Variants in NCOR1 observed in about 807,000 individuals in gnomAD.
NCOR1 encodes nuclear receptor corepressor 1.
NCOR1 carries 63 observed loss-of-function variants against 288.1 expected under a neutral mutation model. The observed-to-expected ratio is 0.22, with a 90% CI of 0.18 to 0.27. NCOR1 has a LOEUF of 0.27. Among genes scored for constraint, NCOR1 ranks in the 10% least tolerant of loss-of-function variants. The pLI, the probability that NCOR1 is intolerant of heterozygous loss-of-function variation, is 1.00. For synonymous variants in NCOR1, 1,007 were observed against 1,065.9 expected, an observed-to-expected ratio of 0.94 and a Z score of 1.08; for missense variants, 2,397 against 3,019.2, an observed-to-expected ratio of 0.79 and a Z score of 4.83.
At position 16,127,202 on chromosome 17, in the gene NCOR1, T is replaced by TATATATCTGTATGTATATATAC. The variant is rs2074279531; in HGVS notation, c.1510-997_1510-996insGTATATATACATACAGATATAT. On this transcript the variant is annotated intron_variant, in intron 14 of 45. Coordinates refer to ENST00000268712, the MANE Select transcript of NCOR1 (RefSeq NM_006311.4). ...ATATATCTGTATGTATATATACATG[T>TATATATCTGTATGTATATATAC]ATGTATATATCTGTATGTATATATA... Among the ~76,000 whole-genome samples, 6 of 147,348 alleles carry TATATATCTGTATGTATATATAC rather than the reference T, an allele frequency of 4.1e-5. 1 individual carries two copies. In the Admixed American group the frequency reaches 4.2e-4, roughly 10 times the overall value.
intron 21 of NCOR1, among the ~76,000 whole-genome samples, chr17:16,095,281 T>C (rs1375176985): frequency 3.0e-5 from 4 of 132,482 alleles, no homozygotes; most frequent in East Asian, 2.4e-4. Flanking sequence ...GTGAGGAGCG[T>C]CTCTGCCCGG....
intron 11 of NCOR1, among the ~76,000 whole-genome samples, chr17:16,140,424 G>C (rs994574542): frequency 6.6e-6 from 1 of 152,188 alleles, no homozygotes; most frequent in East Asian, 1.9e-4. Flanking sequence ...AGCACTTTTG[G>C]AGGCCAAGGC....
At chr17:16,145,831 G>C (rs543378277) in intron 10 of NCOR1, among the ~76,000 whole-genome samples, 2 of 152,194 alleles carry the variant, frequency 1.3e-5, no homozygotes, top group African/African-American at 4.8e-5. Context: ...CCAGGATGAC[G>C]ATGGCGGTTT....
intron 3 of NCOR1, among the ~76,000 whole-genome samples, chr17:16,180,716 C>G (rs2085223230): frequency 1.3e-5 from 2 of 152,048 alleles, no homozygotes; most frequent in Admixed American, 6.5e-5. Context: ...CCACTGTACT[C>G]CAGCCTGAGT....
intron 21 of NCOR1, among the ~76,000 whole-genome samples, chr17:16,093,036 T>A (rs1410833434): frequency 6.6e-6 from 1 of 152,066 alleles, no homozygotes; most frequent in Non-Finnish European, 1.5e-5. Context: ...TTAAATGTCA[T>A]CCATTTGTTA....
intron 1 of NCOR1, among the ~76,000 whole-genome samples, chr17:16,213,489 C>CAAAAAAA (rs537795184): frequency 0.023 from 1,757 of 77,972 alleles, 110 homozygotes; most frequent in African/African-American, 0.05. Flanking sequence ...AAGACTGTCT[C>CAAAAAAA]AAAAAAAAAA....
chr17:16,077,347 A>G (rs1238136998), intron 26 of NCOR1, among the ~76,000 whole-genome samples: 3 of 150,768 alleles, frequency 2.0e-5, no homozygotes, highest in African/African-American at 7.3e-5. Context: ...CAGTGAGCTG[A>G]GATGGCACCA....
At chr17:16,201,222 C>T (rs146169367) in intron 1 of NCOR1, among the ~76,000 whole-genome samples, 1,655 of 152,236 alleles carry the variant, frequency 0.011, 36 homozygotes, top group African/African-American at 0.037. Context: ...TTAACCTATC[C>T]TACCTCTTAT....
At chr17:16,212,586 G>T (rs1441512461) in intron 1 of NCOR1, among the ~76,000 whole-genome samples, 1 of 152,090 alleles carries the variant, frequency 6.6e-6, no homozygotes, top group Admixed American at 6.6e-5. Flanking sequence ...GCATCAAGAA[G>T]AATTTGAAAT....
chr17:16,111,964 G>A (rs1443446923), intron 18 of NCOR1, among the ~76,000 whole-genome samples: 1 of 152,106 alleles, frequency 6.6e-6, no homozygotes, highest in Non-Finnish European at 1.5e-5. Context: ...CCGGCTCCCG[G>A]GTTCAGGCCA....
chr17:16,121,415 C>A, intron 15 of NCOR1, 146 bp from the exon 16 acceptor site: 2 of 653,920 alleles, frequency 3.1e-6, no homozygotes, highest in Non-Finnish European at 4.8e-6. Flanking sequence ...AACAATTCTG[C>A]CATACCATAG....
At chr17:16,038,742 T>G (rs2151960627) in intron 44 of NCOR1, among the ~76,000 whole-genome samples, 1 of 151,928 alleles carries the variant, frequency 6.6e-6, no homozygotes, top group East Asian at 1.9e-4. Context: ...TTTTTATGGC[T>G]TACGATTATT....
intron 31 of NCOR1, 89 bp downstream of exon 31, chr17:16,070,076 C>T (rs2061568950): frequency 6.8e-7 from 1 of 1,466,374 alleles, no homozygotes; most frequent in Non-Finnish European, 9.1e-7. Context: ...CTAAAGCTGA[C>T]AATTTGATAT....
chr17:16,065,185 A>G (rs1178577779), intron 33 of NCOR1, among the ~76,000 whole-genome samples, 166 bp from the exon 34 acceptor site: 2 of 152,214 alleles, frequency 1.3e-5, no homozygotes, highest in African/African-American at 4.8e-5. Context: ...TTAAAGAAGG[A>G]TATTAAAGAC....
intron 42 of NCOR1, among the ~76,000 whole-genome samples, chr17:16,041,524 C>A (rs943963714): frequency 2.7e-5 from 4 of 149,574 alleles, no homozygotes; most frequent in African/African-American, 9.9e-5. Context: ...AGCAGTTCTC[C>A]TGCCTCAGCC....
chr17:16,175,599 G>A (rs963128645), intron 3 of NCOR1, among the ~76,000 whole-genome samples: 11 of 152,006 alleles, frequency 7.2e-5, no homozygotes, highest in African/African-American at 2.7e-4. Flanking sequence ...TAATTTTCCT[G>A]TGCCCTGGTT....
chr17:16,098,099 G>A (rs1019459795), intron 21 of NCOR1, among the ~76,000 whole-genome samples: 2 of 152,218 alleles, frequency 1.3e-5, no homozygotes, highest in Non-Finnish European at 2.9e-5. Context: ...CCAGTGGCAA[G>A]CGGCAGGAGG....
chr17:16,199,107 C>A (rs1162576114), intron 1 of NCOR1, among the ~76,000 whole-genome samples: 1 of 150,984 alleles, frequency 6.6e-6, no homozygotes, highest in Non-Finnish European at 1.5e-5. Flanking sequence ...CCTTCCTTGT[C>A]CGTTTTGTGG....
chr17:16,032,806 GT>G (rs935188112), intron 45 of NCOR1, among the ~76,000 whole-genome samples: 2 of 152,204 alleles, frequency 1.3e-5, no homozygotes, highest in African/African-American at 4.8e-5. Flanking sequence ...ACAGAGTCAG[GT>G]TATAGCAAGA....
Sources: allele counts gnomAD v4.1 joint callset (sites outside exome capture counted in the v4.1 genomes callset), GRCh38; gene constraint gnomAD v4.1.1; transcripts MANE v1.5; gene names NCBI Gene and HGNC (gene_info 2026-07-23, HGNC 2026-07-21).